ASAP2: variants seen among roughly 807,000 people sequenced by gnomAD.
ASAP2 encodes ArfGAP with SH3 domain, ankyrin repeat and PH domain 2.
In ASAP2, 45 loss-of-function variants were observed where a neutral mutation model predicts 131.4. That is an observed-to-expected ratio of 0.34 (90% CI 0.27 to 0.44). ASAP2 has a LOEUF of 0.44. ASAP2 is among the 20% of genes least tolerant of loss of function. ASAP2 has a pLI of 1.00. For synonymous variants in ASAP2, 510 were observed against 503.0 expected (o/e 1.01, Z -0.19); for missense variants, 1,011 against 1,297.0 (o/e 0.78, Z 3.39).
At position 9,232,207 on chromosome 2, in the gene ASAP2, C is replaced by T. The variant is rs1452520197; in HGVS notation, c.126+24977C>T. ...TTGTTGACCTGGCCCCTGCCTCCCT[C>T]CCACCCCATCTCATCCATGCCTGTC... On this transcript the variant is annotated intron_variant, in intron 1 of 27. Transcript: ENST00000281419. The surrounding 1 kb of genome is among the most constrained non-coding windows in gnomAD (Gnocchi z 4.1). Among the ~76,000 whole-genome samples the T allele has an allele frequency of 6.6e-6, 1 of 152,202 alleles. No individual in the cohort carries two copies. The highest frequency in any genetic ancestry group is 1.5e-5 in the Non-Finnish European group (1 of 68,032).
intron 21 of ASAP2, among the ~76,000 whole-genome samples, chr2:9,387,814 T>G (rs921712396): frequency 1.3e-5 from 2 of 152,042 alleles, no homozygotes; most frequent in African/African-American, 4.8e-5. Flanking sequence ...AAGAAAGAGG[T>G]CTAATTCACT....
At chr2:9,385,116 T>A (rs1350530309) in intron 20 of ASAP2, 129 bp from the exon 21 acceptor site, 1 of 665,754 alleles carries the variant, frequency 1.5e-6, no homozygotes, top group Non-Finnish European at 2.6e-6. Context: ...GGGCTTCACC[T>A]GAGACCCAGA....
chr2:9,350,648 A>T, intron 11 of ASAP2, 160 bp from the exon 12 acceptor site: 1 of 560,172 alleles, frequency 1.8e-6, no homozygotes, highest in Non-Finnish European at 3.1e-6. Context: ...GGCCTCTGTA[A>T]CTTGTCCCAG....
intron 1 of ASAP2, among the ~76,000 whole-genome samples, chr2:9,272,502 G>A (rs1666468849): frequency 1.3e-5 from 2 of 152,052 alleles, no homozygotes; most frequent in South Asian, 4.2e-4. Flanking sequence ...CTCCCATTTT[G>A]TGGGTTGTCT....
intron 17 of ASAP2, 55 bp from the exon 18 acceptor site, chr2:9,376,853 C>A: frequency 6.7e-7 from 1 of 1,492,110 alleles, no homozygotes; most frequent in Non-Finnish European, 9.3e-7. Context: ...CGGTGTTGGA[C>A]ACAGAATTGA....
chr2:9,299,999 G>C (rs1397960796), intron 3 of ASAP2, among the ~76,000 whole-genome samples: 2 of 152,202 alleles, frequency 1.3e-5, no homozygotes, highest in Non-Finnish European at 2.9e-5. Flanking sequence ...GGGAGGCCAA[G>C]GTGGGCGGGT....
intron 14 of ASAP2, among the ~76,000 whole-genome samples, chr2:9,357,444 A>G (rs1241111613): frequency 6.6e-6 from 1 of 152,150 alleles, no homozygotes; most frequent in Non-Finnish European, 1.5e-5. Flanking sequence ...ACGCCACTGC[A>G]CTCCAGCCTG....
rs1663245047 is a variant in ASAP2 at position 9,232,580 on chromosome 2, C to G, written c.126+25350C>G. On this transcript the variant is annotated intron_variant, in intron 1 of 27. Transcript: ENST00000281419. This position sits in a 1 kb window ranked among gnomAD's most constrained non-coding sequence, Gnocchi z 4.1. The stretch of plus-strand genomic sequence containing the variant: ...ATTTATTTTCTATCTCCCCTTCTCC[C>G]CATTAGATCATAAGCTTCCTGGGGG... Among the ~76,000 whole-genome samples the G allele has an allele frequency of 6.6e-6, 1 of 152,202 alleles. No homozygotes were observed. The highest frequency in any genetic ancestry group is 1.5e-5 in the Non-Finnish European group (1 of 68,040).
intron 7 of ASAP2, among the ~76,000 whole-genome samples, chr2:9,329,891 C>A (rs147233509): frequency 6.6e-6 from 1 of 152,204 alleles, no homozygotes. Context: ...TCCTGCTTTG[C>A]GATGCTTCTT....
chr2:9,354,206 C>T (rs2148643461), intron 12 of ASAP2, among the ~76,000 whole-genome samples: 1 of 152,268 alleles, frequency 6.6e-6, no homozygotes, highest in Non-Finnish European at 1.5e-5. Context: ...TAGGATGGAG[C>T]CAGAGGGAGT....
intron 25 of ASAP2, 26 bp from the exon 26 acceptor site, chr2:9,400,716 T>C: frequency 6.3e-7 from 1 of 1,585,070 alleles, no homozygotes. Flanking sequence ...TGGGATGTCT[T>C]AAGCTGCTTC....
chr2:9,341,466 A>C (rs1247739888), intron 9 of ASAP2, among the ~76,000 whole-genome samples: 1 of 152,220 alleles, frequency 6.6e-6, no homozygotes, highest in Non-Finnish European at 1.5e-5. Context: ...ACCTTCTGGC[A>C]TAGGGTCTGA....
chr2:9,212,958 G>A (rs564491708), intron 1 of ASAP2, among the ~76,000 whole-genome samples: 1 of 152,356 alleles, frequency 6.6e-6, no homozygotes, highest in East Asian at 1.9e-4. Flanking sequence ...AGAGCTGCCT[G>A]GCTCCACTCC....
rs1662109801 is a variant in ASAP2, at chr2:9,217,169, C to T, written c.126+9939C>T. Among the ~76,000 whole-genome samples, 1 of 152,188 alleles carries T rather than the reference C, an allele frequency of 6.6e-6. No individual in the cohort carries two copies. Among genetic ancestry groups the T allele is most frequent in the Non-Finnish European group, 1.5e-5 (1 of 68,026 alleles). ...GTGCCCACCAAGGCCCTTGGTGTTGCAGCCTCTGTGGCCAGCATGCCCTCC... is the reference window on the plus strand; with the variant it reads ...GTGCCCACCAAGGCCCTTGGTGTTGTAGCCTCTGTGGCCAGCATGCCCTCC... On this transcript the variant is annotated intron_variant, in intron 1 of 27. Coordinates refer to ENST00000281419, the MANE Select transcript of ASAP2 (RefSeq NM_003887.3). This position sits in a 1 kb window ranked among gnomAD's most constrained non-coding sequence, Gnocchi z 4.0.
chr2:9,352,540 A>G (rs1167121789), intron 12 of ASAP2, among the ~76,000 whole-genome samples: 1 of 152,236 alleles, frequency 6.6e-6, no homozygotes, highest in East Asian at 1.9e-4. Flanking sequence ...AGACCCTGCT[A>G]GATGCCATAT....
intron 16 of ASAP2, among the ~76,000 whole-genome samples, chr2:9,370,640 G>T (rs2715876): frequency 0.032 from 4,935 of 152,312 alleles, 252 homozygotes; most frequent in African/African-American, 0.1. Context: ...GGGGGCATGA[G>T]CGGGATGATG....
intron 17 of ASAP2, among the ~76,000 whole-genome samples, 175 bp from the exon 18 acceptor site, chr2:9,376,733 C>G (rs754196886): frequency 2.0e-5 from 3 of 152,156 alleles, no homozygotes; most frequent in South Asian, 4.1e-4. Context: ...CCAAATTGCA[C>G]GTTCCCAAGG....
At chr2:9,397,750 A>ATATATTTT (rs1343127000) in intron 24 of ASAP2, among the ~76,000 whole-genome samples, 8 of 44,810 alleles carry the variant, frequency 1.8e-4, no homozygotes, top group African/African-American at 1.4e-3. Flanking sequence ...ATATATATAT[A>ATATATTTT]TTTTTTTTTT....
chr2:9,384,468 G>A (rs1203264712), intron 20 of ASAP2, among the ~76,000 whole-genome samples: 1 of 152,174 alleles, frequency 6.6e-6, no homozygotes, highest in African/African-American at 2.4e-5. Context: ...CAGGCTGGGG[G>A]CTCAGTCCCC....
Sources: gnomAD v4.1 joint callset for allele counts (sites outside exome capture counted in the v4.1 genomes callset) on GRCh38, gnomAD v4.1.1 for gene constraint, Gnocchi (gnomAD v3.1) non-coding constraint, MANE v1.5 for transcripts, NCBI Gene and HGNC (gene_info 2026-07-23, HGNC 2026-07-21) for gene names.